CTNND2: variants seen among roughly 807,000 people sequenced by gnomAD.
CTNND2 encodes catenin delta 2.
CTNND2 carries 22 observed loss-of-function variants against 144.4 expected under a neutral mutation model. The ratio of observed to expected loss-of-function variants is 0.15; its 90% CI spans 0.11 to 0.22. The LOEUF is 0.22. CTNND2 is among the 10% of genes least tolerant of loss of function. The pLI, the probability that CTNND2 is intolerant of heterozygous loss-of-function variation, is 1.00. For synonymous variants in CTNND2, 751 were observed against 695.6 expected (o/e 1.08, Z -1.25); for missense variants, 1,353 against 1,618.8 (o/e 0.84, Z 2.82).
chr5:11,474,683 A>C (rs1046054829), intron 3 of CTNND2, among the ~76,000 whole-genome samples: 46 of 152,190 alleles, frequency 3.0e-4, no homozygotes, highest in Non-Finnish European at 1.3e-4. Flanking sequence ...GATAGGAAAA[A>C]AATTTATTTT....
rs258649 is a variant in CTNND2 at position 11,409,190 on chromosome 5, C to A, written c.439+2346G>T. ...TATTTCCATTTGATTCAGTAAATAT[C>A]CAGAAGTATGTTTCTTAGTTTTAAT... On this transcript the variant is annotated intron_variant, in intron 5 of 21. Coordinates refer to ENST00000304623, the MANE Select transcript of CTNND2 (RefSeq NM_001332.4). 1.3e-3 allele frequency among the ~76,000 whole-genome samples: 200 copies of A among 151,980 alleles called. 5 individuals carry two copies. In the East Asian group the frequency reaches 0.032, roughly 24 times the overall value.
At chr5:11,344,848 G>C (rs908814536) in intron 9 of CTNND2, among the ~76,000 whole-genome samples, 1 of 152,096 alleles carries the variant, frequency 6.6e-6, no homozygotes, top group African/African-American at 2.4e-5. Flanking sequence ...GAAAGGATAC[G>C]CCATTTAATA....
chr5:11,805,236 T>C (rs1049993645), intron 1 of CTNND2, among the ~76,000 whole-genome samples: 1 of 152,140 alleles, frequency 6.6e-6, no homozygotes, highest in Non-Finnish European at 1.5e-5. Context: ...TGTGAACTGA[T>C]ATATAGCTTT....
chr5:11,315,127 T>G (rs1751358488), intron 9 of CTNND2, among the ~76,000 whole-genome samples: 1 of 152,212 alleles, frequency 6.6e-6, no homozygotes, highest in Non-Finnish European at 1.5e-5. Context: ...CAGGAAACCC[T>G]AGTAGCAGAG....
chr5:11,746,392 C>T (rs750195361), intron 1 of CTNND2, among the ~76,000 whole-genome samples: 1 of 152,120 alleles, frequency 6.6e-6, no homozygotes, highest in Admixed American at 6.6e-5. Flanking sequence ...AATCACTTCA[C>T]GTCCTCTTTA....
chr5:11,841,797 C>G (rs1794487631), intron 1 of CTNND2, among the ~76,000 whole-genome samples: 1 of 151,644 alleles, frequency 6.6e-6, no homozygotes, highest in Non-Finnish European at 1.5e-5. Flanking sequence ...TTCTATGACC[C>G]TGAGCCCTTC....
intron 1 of CTNND2, among the ~76,000 whole-genome samples, chr5:11,780,334 T>C (rs74630515): frequency 6.6e-6 from 1 of 152,080 alleles, no homozygotes; most frequent in African/African-American, 2.4e-5. Flanking sequence ...CATCACATCT[T>C]CCCCACAGCC....
intron 1 of CTNND2, among the ~76,000 whole-genome samples, chr5:11,870,924 G>T (rs2127049228): frequency 6.6e-6 from 1 of 152,288 alleles, no homozygotes; most frequent in East Asian, 1.9e-4. Context: ...CAGAATGAAG[G>T]TTTGTGTCCC....
chr5:11,721,202 T>C (rs1034959153), intron 2 of CTNND2, among the ~76,000 whole-genome samples: 3 of 152,176 alleles, frequency 2.0e-5, no homozygotes, highest in Non-Finnish European at 4.4e-5. Flanking sequence ...ATAAGCAATA[T>C]AAGCCCTTTA....
chr5:11,768,065 AT>A (rs567968904), intron 1 of CTNND2, among the ~76,000 whole-genome samples: 2,246 of 150,330 alleles, frequency 0.015, 45 homozygotes, highest in African/African-American at 0.052. Context: ...TATCACACTA[AT>A]TTTTTTTTTC....
chr5:11,157,659 G>A (rs1434550123), intron 12 of CTNND2, among the ~76,000 whole-genome samples: 1 of 152,186 alleles, frequency 6.6e-6, no homozygotes, highest in Non-Finnish European at 1.5e-5. Context: ...TGGCTTTGTT[G>A]GAAAAATGAA....
intron 9 of CTNND2, among the ~76,000 whole-genome samples, chr5:11,312,153 A>C (rs1751027913): frequency 1.8e-5 from 2 of 108,782 alleles, no homozygotes; most frequent in African/African-American, 7.4e-5. Flanking sequence ...CACCACACAC[A>C]CACTCCCCAT....
intron 17 of CTNND2, among the ~76,000 whole-genome samples, chr5:11,020,144 C>T (rs1731843344): frequency 2.0e-5 from 3 of 152,086 alleles, no homozygotes; most frequent in Admixed American, 6.6e-5. Context: ...GTTGTGTCCG[C>T]CAGACGCTGT....
chr5:11,317,882 G>A (rs904960217), intron 9 of CTNND2, among the ~76,000 whole-genome samples: 1 of 152,092 alleles, frequency 6.6e-6, no homozygotes, highest in Admixed American at 6.6e-5. Context: ...TGTCTGAAAG[G>A]GTGCAGGGCT....
rs1269365563 is a variant in CTNND2, at chr5:10,972,000, A to G, written c.*1453T>C. 2 of 152,622 alleles carry G rather than the reference A, an allele frequency of 1.3e-5. No homozygotes were observed. The highest frequency in any genetic ancestry group is 2.9e-5 in the Non-Finnish European group (2 of 68,040). 9.5% of individuals were successfully genotyped at this position (152,622 alleles called of 1,614,324 possible). ...TCTTAGCTCTGTTAACCACTATTCT[A>G]ACGTTAGCTTCAAGTTCAGTTTTAA... On this transcript the variant is annotated 3_prime_UTR_variant, in exon 22 of 22. Coordinates refer to ENST00000304623, the MANE Select transcript of CTNND2 (RefSeq NM_001332.4).
intron 2 of CTNND2, among the ~76,000 whole-genome samples, chr5:11,567,577 A>T (rs1835027): frequency 0.9 from 136,579 of 152,138 alleles, 61,370 homozygotes; most frequent in Admixed American, 0.92. Context: ...TCTATTGTTG[A>T]CTTCAAGTTA....
intron 2 of CTNND2, among the ~76,000 whole-genome samples, chr5:11,642,195 T>C (rs778249305): frequency 3.9e-5 from 6 of 152,184 alleles, no homozygotes; most frequent in Non-Finnish European, 8.8e-5. Flanking sequence ...CACCTATTTA[T>C]GTCTCAGGTA....
intron 16 of CTNND2, among the ~76,000 whole-genome samples, chr5:11,046,196 C>A (rs1745228196): frequency 6.6e-6 from 1 of 152,134 alleles, no homozygotes; most frequent in African/African-American, 2.4e-5. Context: ...AGAGGTCATA[C>A]TGGAGTGGGG....
intron 2 of CTNND2, among the ~76,000 whole-genome samples, chr5:11,662,271 GTGTA>G (rs1158612551): frequency 3.5e-5 from 4 of 115,676 alleles, no homozygotes; most frequent in African/African-American, 1.7e-4. Flanking sequence ...ATGTGTGTGT[GTGTA>G]TATATATATA....
Sources: gnomAD v4.1 joint callset for allele counts (sites outside exome capture counted in the v4.1 genomes callset) on GRCh38, gnomAD v4.1.1 for gene constraint, MANE v1.5 for transcripts, NCBI Gene and HGNC (gene_info 2026-07-23, HGNC 2026-07-21) for gene names.